KIAA1549: variants seen among roughly 807,000 people sequenced by gnomAD.
KIAA1549 encodes KIAA1549, also known as UPF0606 protein KIAA1549.
In KIAA1549, 70 loss-of-function variants were observed where a neutral mutation model predicts 156.4. That is an observed-to-expected ratio of 0.45 (90% CI 0.37 to 0.55). KIAA1549 has a LOEUF of 0.55. Ranked by LOEUF, KIAA1549 falls within the 20% of genes least tolerant of loss-of-function variation. The probability of loss-of-function intolerance (pLI) is 0.00; values close to 1 mark genes in which losing one functional copy is unlikely to be tolerated. For missense variants in KIAA1549, 2,428 were observed against 2,540.9 expected (o/e 0.96, Z 0.96); for synonymous variants, 1,103 against 1,066.4 (o/e 1.03, Z -0.67).
intron 15 of KIAA1549, among the ~76,000 whole-genome samples, chr7:138,866,936 G>A (rs1251049376): frequency 6.6e-6 from 1 of 152,046 alleles, no homozygotes; most frequent in Admixed American, 6.6e-5. Flanking sequence ...CCAAGTAGCT[G>A]GGATTACAGG....
rs1177638822 is a variant in KIAA1549, at chr7:138,941,913, A to AT, written c.188-22476dup. Among the ~76,000 whole-genome samples, 23 of 149,672 alleles carry AT rather than the reference A, an allele frequency of 1.5e-4. 1 individual carries two copies. Among genetic ancestry groups the AT allele is most frequent in the Admixed American group, 1.2e-3 (18 of 14,912 alleles). ...GAAATCTTAAAAAACGTTGCAATGA[A>AT]TGCCACTGAATTGTATGCTTAAAAG... On this transcript the variant is annotated intron_variant, in intron 1 of 19. Transcript: ENST00000422774.
chr7:138,832,650 G>A lies in KIAA1549; in HGVS notation c.*5256C>T, dbSNP rs1554407541. 2 of 214,486 alleles carry A rather than the reference G, an allele frequency of 9.3e-6. No homozygotes were observed. The highest frequency in any genetic ancestry group is 7.0e-5 in the East Asian group (1 of 14,368). 13.3% of individuals were successfully genotyped at this position (214,486 alleles called of 1,614,324 possible). On this transcript the variant is annotated 3_prime_UTR_variant, in exon 20 of 20. Transcript: ENST00000422774. Reference sequence around the variant, plus strand: ...CATTGCTTCTGTCACTTTCTTACTGGCTCCTAACTTTGTTTCATGTTTCCA... The same window carrying A: ...CATTGCTTCTGTCACTTTCTTACTGACTCCTAACTTTGTTTCATGTTTCCA...
intron 1 of KIAA1549, among the ~76,000 whole-genome samples, chr7:138,937,129 C>T (rs1813038388): frequency 6.6e-6 from 1 of 152,148 alleles, no homozygotes; most frequent in African/African-American, 2.4e-5. Flanking sequence ...TAGTATTACC[C>T]TCCCCTACAA....
At chr7:138,967,667 C>A (rs1222534691) in intron 1 of KIAA1549, among the ~76,000 whole-genome samples, 1 of 152,110 alleles carries the variant, frequency 6.6e-6, no homozygotes, top group African/African-American at 2.4e-5. Context: ...AGTCTCCCAG[C>A]CCATCCTCCA....
At position 138,857,154 on chromosome 7, in the gene KIAA1549, T is replaced by C. The variant is rs373431387; in HGVS notation, c.5247+3985A>G. ...ATCATGGGATTCTCAGCCTCCATAA[T>C]TACATGAGCCGACTCCTCATAATAA... On this transcript the variant is annotated intron_variant, in intron 16 of 19. Coordinates refer to ENST00000422774, the MANE Select transcript of KIAA1549 (RefSeq NM_001164665.2). Among the ~76,000 whole-genome samples the C allele has an allele frequency of 4.3e-4, 65 of 152,246 alleles. No homozygotes were observed. In the East Asian group the frequency reaches 8.5e-3, roughly 20 times the overall value.
chr7:138,930,367 A>G (rs1195655726), intron 1 of KIAA1549, among the ~76,000 whole-genome samples: 6 of 152,178 alleles, frequency 3.9e-5, no homozygotes, highest in Non-Finnish European at 8.8e-5. Context: ...GGCCCCTAAC[A>G]AGAGAGTCAG....
Position 138,981,315 on chromosome 7 carries a change from G to C in KIAA1549, c.-46C>G, listed in dbSNP as rs2130588145. On this transcript the variant is annotated 5_prime_UTR_variant, in exon 1 of 20. Transcript: ENST00000422774. The surrounding 1 kb of genome is among the most constrained non-coding windows in gnomAD (Gnocchi z 4.5). ...CGGCCTCGCGGCTCAGCGGCTCTCG[G>C]GTCCGGGAGGGGCGGCCGCTGCGGC... 1 of 821,932 alleles carries C rather than the reference G, an allele frequency of 1.2e-6. No individual in the cohort carries two copies. Among genetic ancestry groups the C allele is most frequent in the Non-Finnish European group, 1.5e-6 (1 of 683,486 alleles). The allele number at this position is 821,932 out of a possible 1,614,324, so 50.9% of individuals were successfully genotyped here.
intron 16 of KIAA1549, among the ~76,000 whole-genome samples, chr7:138,854,288 G>A (rs181751937): frequency 2.3e-3 from 346 of 152,262 alleles, no homozygotes; most frequent in East Asian, 2.9e-3. Flanking sequence ...GGATAGGCCC[G>A]AGGTAAAGCA....
At chr7:138,938,168 C>T (rs1175406324) in intron 1 of KIAA1549, among the ~76,000 whole-genome samples, 2 of 152,132 alleles carry the variant, frequency 1.3e-5, no homozygotes, top group Non-Finnish European at 2.9e-5. Context: ...ACACAGAAGG[C>T]GCTGTCTATG....
At chr7:138,925,106 C>G (rs1812675645) in intron 1 of KIAA1549, among the ~76,000 whole-genome samples, 1 of 152,186 alleles carries the variant, frequency 6.6e-6, no homozygotes, top group Non-Finnish European at 1.5e-5. Flanking sequence ...TCTGGCCATG[C>G]TGGACGTCAC....
chr7:138,864,584 T>G (rs1810680027), intron 15 of KIAA1549, among the ~76,000 whole-genome samples: 1 of 152,226 alleles, frequency 6.6e-6, no homozygotes, highest in African/African-American at 2.4e-5. Context: ...CAGATACAGT[T>G]TATCAGTCTT....
intron 1 of KIAA1549, among the ~76,000 whole-genome samples, chr7:138,977,655 AACAC>A (rs10625706): frequency 0.012 from 1,735 of 146,894 alleles, 37 homozygotes; most frequent in African/African-American, 0.04. Context: ...TACTCAAGAA[AACAC>A]ACACACACAC....
intron 5 of KIAA1549, among the ~76,000 whole-genome samples, 168 bp downstream of exon 5, chr7:138,908,823 T>C (rs1812082819): frequency 6.6e-6 from 1 of 152,230 alleles, no homozygotes; most frequent in African/African-American, 2.4e-5. Flanking sequence ...ATGCTCAGCC[T>C]GTGCACGCTA....
chr7:138,841,817 T>G lies in KIAA1549; in HGVS notation c.5453-1539A>C, dbSNP rs138465390. ...CTAGCCTCAACTGATCCTCCCACTT[T>G]GGCCTCCCAACATGATGGGATTATA... is the stretch of plus-strand genomic sequence containing the variant. On this transcript the variant is annotated intron_variant, in intron 18 of 19. Coordinates refer to ENST00000422774, the MANE Select transcript of KIAA1549 (RefSeq NM_001164665.2). Among the ~76,000 whole-genome samples, 854 of 151,956 alleles carry G rather than the reference T, an allele frequency of 5.6e-3. 14 individuals are homozygous for G. The highest frequency in any genetic ancestry group is 0.02 in the African/African-American group (820 of 41,432).
At chr7:138,923,299 A>G (rs1286059247) in intron 1 of KIAA1549, among the ~76,000 whole-genome samples, 1 of 152,248 alleles carries the variant, frequency 6.6e-6, no homozygotes, top group Non-Finnish European at 1.5e-5. Context: ...CTGAGAATAG[A>G]GAATAAATGA....
At chr7:138,875,517 C>T (rs971267045) in intron 12 of KIAA1549, among the ~76,000 whole-genome samples, 3 of 152,002 alleles carry the variant, frequency 2.0e-5, no homozygotes, top group Admixed American at 1.3e-4. Flanking sequence ...GCGTGGTATG[C>T]TCCTGTAGTC....
At position 138,834,698 on chromosome 7, in the gene KIAA1549, C is replaced by T. The variant is rs917495314; in HGVS notation, c.*3208G>A. 1.7e-5 allele frequency: 4 copies of T among 232,552 alleles called. No homozygotes were observed. Among genetic ancestry groups the T allele is most frequent in the East Asian group, 6.1e-5 (1 of 16,518 alleles). The allele number at this position is 232,552 out of a possible 1,614,324, so 14.4% of individuals were successfully genotyped here. A position where few individuals can be genotyped will look rare whatever the true frequency, so the allele number is the denominator to read the frequency against. ...AGGAAACTGAGTCACACCGAGCTTT[C>T]GGTTTTGCTCATTACCCATGTGTGA... On this transcript the variant is annotated 3_prime_UTR_variant, in exon 20 of 20. Transcript: ENST00000422774.
rs1814534332 is a variant in KIAA1549 at position 138,981,123 on chromosome 7, G to C, written c.147C>G (p.Leu49=). ...RRRPGLLLPG[L]WLLLLARPAS... ...CCGGCCGGGCCAGCAGCAGCAGCCA[G>C]AGGCCAGGAAGCAGCAGCCCCGGGC... The change falls in exon 1 of 20, where the codon CTC becomes CTG. Residue 49 remains leucine, a synonymous_variant. Transcript: ENST00000422774. The surrounding 1 kb of genome is among the most constrained non-coding windows in gnomAD (Gnocchi z 4.5). 2 of 1,223,068 alleles carry C rather than the reference G, an allele frequency of 1.6e-6. No homozygotes were observed. Among genetic ancestry groups the C allele is most frequent in the East Asian group, 6.4e-5 (2 of 31,242 alleles). 75.8% of individuals were successfully genotyped at this position (1,223,068 alleles called of 1,614,324 possible).
intron 1 of KIAA1549, among the ~76,000 whole-genome samples, chr7:138,950,541 C>T (rs1199216689): frequency 6.6e-6 from 1 of 152,208 alleles, no homozygotes; most frequent in African/African-American, 2.4e-5. Flanking sequence ...GCTTAGGGGA[C>T]TCTTGTCATT....
Sources: gnomAD v4.1 joint callset for allele counts (sites outside exome capture counted in the v4.1 genomes callset) on GRCh38, gnomAD v4.1.1 for gene constraint, Gnocchi (gnomAD v3.1) non-coding constraint, MANE v1.5 for transcripts, NCBI Gene and HGNC (gene_info 2026-07-23, HGNC 2026-07-21) for gene names.